The following CHSY3 variants were observed in gnomAD, a reference collection of about 807,000 sequenced individuals.
The protein encoded by CHSY3 is chondroitin sulfate synthase 3.
A neutral mutation model predicts 67.2 loss-of-function variants in CHSY3; 35 were observed. The observed-to-expected ratio is 0.52, with a 90% CI of 0.40 to 0.69. CHSY3 has a LOEUF of 0.69. Among genes scored for constraint, CHSY3 ranks in the 30% least tolerant of loss-of-function variants. The pLI, the probability that CHSY3 is intolerant of heterozygous loss-of-function variation, is 0.00. For missense variants in CHSY3, 1,069 were observed against 1,138.5 expected (o/e 0.94, Z 0.88); for synonymous variants, 474 against 434.7 (o/e 1.09, Z -1.12).
chr5:130,019,970 A>T (rs1222065334), intron 2 of CHSY3, among the ~76,000 whole-genome samples: 3 of 152,192 alleles, frequency 2.0e-5, no homozygotes, highest in African/African-American at 7.2e-5. Context: ...ATAATGGGAG[A>T]TAAGCCCCAA....
intron 2 of CHSY3, among the ~76,000 whole-genome samples, chr5:130,057,206 G>A (rs1319018753): frequency 1.3e-5 from 2 of 151,876 alleles, no homozygotes; most frequent in African/African-American, 4.8e-5. Context: ...TTACAGGCGT[G>A]AGCCACCGCA....
intron 2 of CHSY3, among the ~76,000 whole-genome samples, chr5:130,104,126 G>T (rs1273125103): frequency 1.3e-5 from 2 of 151,584 alleles, no homozygotes; most frequent in African/African-American, 2.4e-5. Flanking sequence ...GCTTTGGTAG[G>T]CTTACCTTTT....
chr5:130,086,103 A>T (rs1766610597), intron 2 of CHSY3, among the ~76,000 whole-genome samples: 1 of 151,950 alleles, frequency 6.6e-6, no homozygotes, highest in African/African-American at 2.4e-5. Flanking sequence ...TGGGGTGGAG[A>T]GTTCTGTAGA....
intron 2 of CHSY3, among the ~76,000 whole-genome samples, chr5:130,063,676 G>T (rs920042990): frequency 6.6e-6 from 1 of 152,092 alleles, no homozygotes; most frequent in Non-Finnish European, 1.5e-5. Flanking sequence ...ATAAACAATA[G>T]AAATTTATTT....
chr5:129,914,784 G>C (rs32225), intron 2 of CHSY3, among the ~76,000 whole-genome samples: 60,928 of 152,068 alleles, frequency 0.4, 12,394 homozygotes, highest in African/African-American at 0.46. Flanking sequence ...ATCACTAACT[G>C]ATGTCTTATC....
In CHSY3 at chr5:130,013,213, C is replaced by T. The variant is rs545597095; in HGVS notation, c.1086+104853C>T. 1.1e-4 allele frequency among the ~76,000 whole-genome samples: 17 copies of T among 152,298 alleles called. No individual in the cohort carries two copies. In the South Asian group the frequency reaches 2.5e-3, roughly 22 times the overall value. ...TGGCTTTGCAGGGTACAGCCCCCCT[C>T]CTGGCTGCTTTCACAGGCTGGCATT... On this transcript the variant is annotated intron_variant, in intron 2 of 2. Transcript: ENST00000305031.
In CHSY3 at chr5:130,095,516, A is replaced by G. The variant is rs925470508; in HGVS notation, c.1087-88713A>G. Among the ~76,000 whole-genome samples the G allele has an allele frequency of 9.8e-5, 15 of 152,404 alleles. 1 individual carries two copies. Among genetic ancestry groups the G allele is most frequent in the Admixed American group, 5.9e-4 (9 of 15,312 alleles). On this transcript the variant is annotated intron_variant, in intron 2 of 2. Coordinates refer to ENST00000305031, the MANE Select transcript of CHSY3 (RefSeq NM_175856.5). Reference sequence around the variant, plus strand: ...ACTCCAAAGAATGGAATAAATATCCATGGCCCCATGCCAATATAAAAAATT... The same window carrying G: ...ACTCCAAAGAATGGAATAAATATCCGTGGCCCCATGCCAATATAAAAAATT...
In CHSY3 at chr5:130,185,098, A is replaced by G. The variant is rs755775947; in HGVS notation, c.1956A>G (p.Val652=). The stretch of plus-strand genomic sequence containing the variant: ...TGTGTCTTATCCCAAAGCAGAATGT[A>G]AAGTTGGTCATTATCCTTTTCAGTA... The part of the protein sequence containing the change: ...ENMCLIPKQN[V]KLVIILFSRD... The change falls in exon 3 of 3, where the codon GTA becomes GTG. Residue 652 remains valine (V), a synonymous_variant. Transcript: ENST00000305031. 3.7e-6 allele frequency: 6 copies of G among 1,600,556 alleles called. No homozygotes were observed. The highest frequency in any genetic ancestry group is 5.1e-6 in the Non-Finnish European group (6 of 1,167,686).
chr5:130,003,417 G>A (rs933844034), intron 2 of CHSY3, among the ~76,000 whole-genome samples: 1 of 152,098 alleles, frequency 6.6e-6, no homozygotes, highest in Non-Finnish European at 1.5e-5. Flanking sequence ...AACCTAAATG[G>A]TGAACTAATT....
intron 2 of CHSY3, among the ~76,000 whole-genome samples, chr5:130,151,109 GT>G (rs905362560): frequency 6.6e-6 from 1 of 152,184 alleles, no homozygotes; most frequent in African/African-American, 2.4e-5. Flanking sequence ...TGGATATTTT[GT>G]GGGGATTATG....
chr5:130,150,539 T>C (rs1031023742), intron 2 of CHSY3, among the ~76,000 whole-genome samples: 2 of 152,144 alleles, frequency 1.3e-5, no homozygotes, highest in African/African-American at 4.8e-5. Context: ...CCAACCAGTA[T>C]TAATTAATAA....
chr5:130,006,912 A>G (rs552602717), intron 2 of CHSY3, among the ~76,000 whole-genome samples: 1 of 152,312 alleles, frequency 6.6e-6, no homozygotes, highest in Admixed American at 6.5e-5. Context: ...GAAACTAGAT[A>G]TTGGTGTCTG....
chr5:130,012,889 C>T (rs892702028), intron 2 of CHSY3, among the ~76,000 whole-genome samples: 1 of 152,056 alleles, frequency 6.6e-6, no homozygotes, highest in Non-Finnish European at 1.5e-5. Flanking sequence ...CTAGCATTAA[C>T]TCAAAAGTCC....
chr5:130,185,860 T>A lies in CHSY3; in HGVS notation c.*69T>A, dbSNP rs1770404253. 1 of 831,098 alleles carries A rather than the reference T, an allele frequency of 1.2e-6. No individual in the cohort carries two copies. The allele number at this position is 831,098 out of a possible 1,614,324, so 51.5% of individuals were successfully genotyped here. On this transcript the variant is annotated 3_prime_UTR_variant, in exon 3 of 3. Coordinates refer to ENST00000305031, the MANE Select transcript of CHSY3 (RefSeq NM_175856.5). ...TCATTGTTGGTTGTTGTTATTTTTA[T>A]TGTATTATTGTTATTTTATTATTAT...
At chr5:130,080,023 A>G (rs1460863855) in intron 2 of CHSY3, among the ~76,000 whole-genome samples, 1 of 144,524 alleles carries the variant, frequency 6.9e-6, no homozygotes, top group African/African-American at 2.6e-5. Flanking sequence ...GCCCTTCAGA[A>G]ATACACCTGA....
chr5:130,001,094 C>A (rs4510611), intron 2 of CHSY3, among the ~76,000 whole-genome samples: 80,174 of 150,944 alleles, frequency 0.53, 21,688 homozygotes, highest in East Asian at 0.6. Context: ...CTTAGCCAGG[C>A]TGGTCTTTAT....
At chr5:129,962,935 C>T (rs917759612) in intron 2 of CHSY3, among the ~76,000 whole-genome samples, 34 of 151,962 alleles carry the variant, frequency 2.2e-4, no homozygotes, top group African/African-American at 8.0e-4. Flanking sequence ...TCTGGAACAG[C>T]CAACTTGGGG....
chr5:130,082,685 G>A (rs897961977), intron 2 of CHSY3, among the ~76,000 whole-genome samples: 15 of 151,994 alleles, frequency 9.9e-5, no homozygotes, highest in Admixed American at 6.6e-4. Context: ...GGTTAAGTCG[G>A]CATGGAGCAG....
chr5:129,955,159 G>A (rs993050089), intron 2 of CHSY3, among the ~76,000 whole-genome samples: 50 of 152,076 alleles, frequency 3.3e-4, no homozygotes, highest in African/African-American at 1.1e-3. Context: ...GAGCCACTGC[G>A]CCTGGCCCAT....
Sources: allele counts gnomAD v4.1 joint callset (sites outside exome capture counted in the v4.1 genomes callset), GRCh38; gene constraint gnomAD v4.1.1; transcripts MANE v1.5; gene names NCBI Gene and HGNC (gene_info 2026-07-23, HGNC 2026-07-21).